Variants in TBCK observed in about 807,000 individuals in gnomAD.
TBCK encodes TBC domain-containing protein kinase-like protein.
In TBCK, 99 loss-of-function variants were observed where a neutral mutation model predicts 113.4. That is an observed-to-expected ratio of 0.87 (90% CI 0.74 to 1.03). TBCK has a LOEUF of 1.03. Ranked by LOEUF, TBCK falls within the 50% of genes least tolerant of loss-of-function variation. The pLI is 0.00. For synonymous variants in TBCK, 369 were observed against 370.8 expected (o/e 1.00, Z 0.05); for missense variants, 1,045 against 1,061.3 (o/e 0.98, Z 0.21).
At chr4:106,216,473 G>A (rs1756936583) in intron 19 of TBCK, among the ~76,000 whole-genome samples, 1 of 151,724 alleles carries the variant, frequency 6.6e-6, no homozygotes, top group African/African-American at 2.4e-5. Flanking sequence ...CCGCTAGCAA[G>A]AATAATAAAG....
intron 18 of TBCK, among the ~76,000 whole-genome samples, chr4:106,231,185 A>G (rs1758818352): frequency 6.6e-6 from 1 of 151,510 alleles, no homozygotes; most frequent in East Asian, 1.9e-4. Flanking sequence ...GTATTTATTG[A>G]AAAGCCTACA....
intron 22 of TBCK, among the ~76,000 whole-genome samples, chr4:106,193,270 G>A (rs1198323600): frequency 1.3e-5 from 2 of 152,130 alleles, no homozygotes; most frequent in African/African-American, 4.8e-5. Flanking sequence ...ACCTTCCCAA[G>A]TGGCCTTTCT....
chr4:106,269,314 T>C (rs1397044009), intron 3 of TBCK, among the ~76,000 whole-genome samples: 1 of 152,164 alleles, frequency 6.6e-6, no homozygotes, highest in African/African-American at 2.4e-5. Context: ...TCAGCTAGTA[T>C]ATAACTTTTA....
chr4:106,235,269 C>T lies in TBCK; in HGVS notation c.1449G>A (p.Glu483=), dbSNP rs749868500. ...GLTWAALLGV[E]GAIHAKYDAI... is the part of the protein sequence containing the mutation. ...TTCTAACCTTTTCTTTTTTCCTTAC[C>T]TCAACTCCCAGAAGAGCAGCCCAGG... The change falls in exon 15 of 26, where the codon GAG becomes GAA. Residue 483 remains glutamate (E), a splice_region_variant and synonymous_variant. Coordinates refer to ENST00000394708, the MANE Select transcript of TBCK (RefSeq NM_001163435.3). 6.3e-7 allele frequency: 1 copy of T among 1,590,988 alleles called. No homozygotes were observed. The highest frequency in any genetic ancestry group is 8.5e-7 in the Non-Finnish European group (1 of 1,169,614).
intron 25 of TBCK, among the ~76,000 whole-genome samples, chr4:106,047,406 C>T (rs1266756289): frequency 6.6e-6 from 1 of 152,186 alleles, no homozygotes; most frequent in East Asian, 1.9e-4. Context: ...CTGCTTTATG[C>T]TCAGACCTTT....
intron 25 of TBCK, among the ~76,000 whole-genome samples, chr4:106,061,738 C>T (rs1736082110): frequency 6.6e-6 from 1 of 151,320 alleles, no homozygotes; most frequent in Admixed American, 6.6e-5. Context: ...TTCCTTCTAT[C>T]CTCTCTTCTT....
intron 25 of TBCK, among the ~76,000 whole-genome samples, chr4:106,054,230 C>T (rs995793960): frequency 2.0e-5 from 3 of 151,642 alleles, no homozygotes; most frequent in African/African-American, 7.3e-5. Context: ...CCATCATCTA[C>T]CTCTCTAATC....
intron 10 of TBCK, among the ~76,000 whole-genome samples, chr4:106,246,899 G>A (rs1760878686): frequency 7.2e-6 from 1 of 139,358 alleles, no homozygotes; most frequent in Admixed American, 6.9e-5. Flanking sequence ...TGACCAGGCT[G>A]GTCTCAAATG....
rs188710012 is a variant in TBCK, at chr4:106,158,752, T to C, written c.2235+12343A>G. On this transcript the variant is annotated intron_variant, in intron 23 of 25. Coordinates refer to ENST00000394708, the MANE Select transcript of TBCK (RefSeq NM_001163435.3). ...AGAACACAAATCCTTCTCAAACTTTTCTAAAAAGCTGAAGAGGGTGGAATA... is the reference window on the plus strand; with the variant it reads ...AGAACACAAATCCTTCTCAAACTTTCCTAAAAAGCTGAAGAGGGTGGAATA... Among the ~76,000 whole-genome samples the C allele has an allele frequency of 1.2e-3, 180 of 152,248 alleles. 1 individual carries two copies. The highest frequency in any genetic ancestry group is 1.8e-3 in the Non-Finnish European group (123 of 67,998).
intron 18 of TBCK, 65 bp from the exon 19 acceptor site, chr4:106,230,511 G>T: frequency 1.1e-6 from 1 of 888,816 alleles, no homozygotes; most frequent in Non-Finnish European, 1.8e-6. Context: ...CATCAGTAAT[G>T]CATTCACTTA....
intron 20 of TBCK, among the ~76,000 whole-genome samples, chr4:106,202,184 T>A (rs1448256956): frequency 1.3e-5 from 2 of 151,830 alleles, no homozygotes; most frequent in African/African-American, 4.8e-5. Context: ...TACACACTTT[T>A]TTTTTTTTAA....
chr4:106,195,069 T>C (rs1430920583), intron 20 of TBCK, among the ~76,000 whole-genome samples: 1 of 152,080 alleles, frequency 6.6e-6, no homozygotes, highest in Non-Finnish European at 1.5e-5. Context: ...GTCACTTTTC[T>C]TTTTCTGTCC....
chr4:106,282,363 C>A (rs1204618000), intron 3 of TBCK, among the ~76,000 whole-genome samples: 1 of 151,650 alleles, frequency 6.6e-6, no homozygotes, highest in Non-Finnish European at 1.5e-5. Flanking sequence ...CTTTTCATTT[C>A]ACTAATATTT....
intron 23 of TBCK, among the ~76,000 whole-genome samples, chr4:106,159,805 G>A (rs1205757591): frequency 6.6e-6 from 1 of 151,930 alleles, no homozygotes; most frequent in African/African-American, 2.4e-5. Flanking sequence ...AATCTCAAGA[G>A]ACCTAAAATA....
chr4:106,283,608 A>G (rs1290382172), intron 3 of TBCK, among the ~76,000 whole-genome samples: 1 of 152,158 alleles, frequency 6.6e-6, no homozygotes, highest in East Asian at 1.9e-4. Context: ...AGGAATAATT[A>G]AAACTAATTG....
At chr4:106,131,653 T>C (rs1463398298) in intron 23 of TBCK, among the ~76,000 whole-genome samples, 1 of 151,666 alleles carries the variant, frequency 6.6e-6, no homozygotes, top group African/African-American at 2.4e-5. Flanking sequence ...TTGGTACCAG[T>C]AGAGTGTGGT....
intron 23 of TBCK, among the ~76,000 whole-genome samples, chr4:106,145,994 C>T (rs1252373902): frequency 5.3e-5 from 8 of 152,100 alleles, no homozygotes; most frequent in African/African-American, 1.9e-4. Flanking sequence ...GGTGATTCCT[C>T]AAAGAGCTAA....
intron 12 of TBCK, among the ~76,000 whole-genome samples, chr4:106,240,536 G>A (rs144412825): frequency 1.5e-4 from 23 of 151,996 alleles, no homozygotes; most frequent in Admixed American, 1.4e-3. Context: ...GCACAAAACA[G>A]TAGTTGAAAT....
intron 23 of TBCK, among the ~76,000 whole-genome samples, chr4:106,165,122 A>G (rs951730379): frequency 1.3e-5 from 2 of 151,828 alleles, no homozygotes; most frequent in Non-Finnish European, 3.0e-5. Context: ...AAAATTTAAC[A>G]AAGAAATAGA....
Sources: allele counts gnomAD v4.1 joint callset (sites outside exome capture counted in the v4.1 genomes callset), GRCh38; gene constraint gnomAD v4.1.1; transcripts MANE v1.5; gene names NCBI Gene and HGNC (gene_info 2026-07-23, HGNC 2026-07-21).